The following RANBP17 variants were observed in gnomAD, a reference collection of about 807,000 sequenced individuals.
RANBP17 encodes RAN binding protein 17.
Under a neutral mutation model 141.2 loss-of-function variants are expected in RANBP17, and 158 were observed. The observed-to-expected ratio is 1.12, with a 90% CI of 0.98 to 1.28. The LOEUF is 1.28. RANBP17 is among the 50% of genes most tolerant of loss of function. The probability of loss-of-function intolerance (pLI) is 0.00; values close to 1 mark genes in which losing one functional copy is unlikely to be tolerated. For synonymous variants in RANBP17, 430 were observed against 450.0 expected, an observed-to-expected ratio of 0.96 and a Z score of 0.56; for missense variants, 1,438 against 1,290.7, an observed-to-expected ratio of 1.11 and a Z score of -1.75.
intron 1 of RANBP17, among the ~76,000 whole-genome samples, chr5:170,870,830 C>T (rs1767662051): frequency 6.6e-6 from 1 of 152,142 alleles, no homozygotes; most frequent in Non-Finnish European, 1.5e-5. Flanking sequence ...AATTTACATT[C>T]CCACCAACAG....
intron 12 of RANBP17, among the ~76,000 whole-genome samples, chr5:170,944,816 T>G (rs1311871539): frequency 6.6e-6 from 1 of 152,198 alleles, no homozygotes; most frequent in Non-Finnish European, 1.5e-5. Flanking sequence ...ACAGCATTCT[T>G]TGATCTAATA....
intron 14 of RANBP17, among the ~76,000 whole-genome samples, chr5:170,985,639 G>A (rs994091487): frequency 2.0e-5 from 3 of 152,150 alleles, no homozygotes; most frequent in Non-Finnish European, 2.9e-5. Context: ...ACACACGTGT[G>A]TGCACTTGTG....
intron 16 of RANBP17, among the ~76,000 whole-genome samples, chr5:171,182,184 A>G (rs1434355140): frequency 1.3e-5 from 2 of 152,222 alleles, no homozygotes; most frequent in Non-Finnish European, 2.9e-5. Flanking sequence ...ATGGAGCCAT[A>G]TAAGATTATT....
At chr5:170,976,127 G>A (rs1777362088) in intron 14 of RANBP17, among the ~76,000 whole-genome samples, 1 of 152,004 alleles carries the variant, frequency 6.6e-6, no homozygotes, top group Non-Finnish European at 1.5e-5. Flanking sequence ...AAAACTGTTA[G>A]AACTAATAAC....
intron 27 of RANBP17, among the ~76,000 whole-genome samples, chr5:171,296,586 C>T (rs905084642): frequency 6.6e-6 from 1 of 152,126 alleles, no homozygotes; most frequent in Non-Finnish European, 1.5e-5. Flanking sequence ...TTGCATGTAC[C>T]CCATAATGAT....
intron 14 of RANBP17, among the ~76,000 whole-genome samples, chr5:171,075,907 CAT>C (rs1784889716): frequency 6.6e-6 from 1 of 152,004 alleles, no homozygotes; most frequent in African/African-American, 2.4e-5. Context: ...GAGCCGAGAT[CAT>C]GCCACTGCAC....
chr5:171,238,280 C>A (rs995480918), intron 22 of RANBP17, among the ~76,000 whole-genome samples: 2 of 152,248 alleles, frequency 1.3e-5, no homozygotes, highest in East Asian at 3.9e-4. Flanking sequence ...AAATTTGCAA[C>A]CTTCGGCATA....
At chr5:171,056,457 T>G (rs1783381002) in intron 14 of RANBP17, among the ~76,000 whole-genome samples, 1 of 152,198 alleles carries the variant, frequency 6.6e-6, no homozygotes, top group Non-Finnish European at 1.5e-5. Context: ...AATGATTTTA[T>G]GTAACAATTA....
At chr5:171,213,558 T>C in intron 20 of RANBP17, 73 bp from the exon 21 acceptor site, 1 of 972,214 alleles carries the variant, frequency 1.0e-6, no homozygotes. Flanking sequence ...TGTGTGTGTG[T>C]ATGTGTGTGG....
intron 1 of RANBP17, chr5:170,863,487 T>A (rs902153551): frequency 6.6e-6 from 1 of 152,188 alleles, no homozygotes; most frequent in African/African-American, 2.4e-5. Flanking sequence ...TAGAATGTTA[T>A]GTAGTAAGCC....
At position 171,206,679 on chromosome 5, in the gene RANBP17, G is replaced by A. The variant is rs187502414; in HGVS notation, c.2231+1067G>A. ...CTTAAAGGTAACTGTCAACTACTAT[G>A]CCACAGTTATGGCCAAAAATATAAC... On this transcript the variant is annotated intron_variant, in intron 20 of 27. Transcript: ENST00000523189. The A allele has an allele frequency of 1.8e-4, 32 of 179,648 alleles. 1 individual carries two copies. The highest frequency in any genetic ancestry group is 3.6e-4 in the Non-Finnish European group (30 of 83,902). The allele number at this position is 179,648 out of a possible 1,614,324, so 11.1% of individuals were successfully genotyped here.
chr5:171,064,906 CTA>C (rs1270959514), intron 14 of RANBP17, among the ~76,000 whole-genome samples: 1 of 152,060 alleles, frequency 6.6e-6, no homozygotes, highest in African/African-American at 2.4e-5. Flanking sequence ...AAGAATGTAA[CTA>C]TTTATCTGCG....
In RANBP17 at chr5:171,265,736, C is replaced by G. The variant is rs1262683123; in HGVS notation, c.2832C>G (p.Leu944=). ...GTTTAGACTACATCGTCACCTACCT[C>G]TTCAAGCACATAGCAAAAGAGGGCA... ...CTSLDYIVTY[L]FKHIAKEGKK... Residue 944 remains leucine, a synonymous_variant, in exon 25 of 28, where the codon CTC becomes CTG. Coordinates refer to ENST00000523189, the MANE Select transcript of RANBP17 (RefSeq NM_022897.5). 6.2e-7 allele frequency: 1 copy of G among 1,614,174 alleles called. No individual in the cohort carries two copies. The highest frequency in any genetic ancestry group is 8.5e-7 in the Non-Finnish European group (1 of 1,179,998).
chr5:171,092,030 A>G (rs1404098230), intron 14 of RANBP17, among the ~76,000 whole-genome samples: 1 of 152,214 alleles, frequency 6.6e-6, no homozygotes, highest in Non-Finnish European at 1.5e-5. Context: ...CCCAGAATAC[A>G]CTGAGGGACA....
At chr5:171,052,548 C>T (rs1367198385) in intron 14 of RANBP17, among the ~76,000 whole-genome samples, 1 of 152,138 alleles carries the variant, frequency 6.6e-6, no homozygotes, top group Non-Finnish European at 1.5e-5. Context: ...ATAGGGTTTA[C>T]TTCTGGATTC....
chr5:171,263,986 CAGG>C (rs1766507044), intron 24 of RANBP17, among the ~76,000 whole-genome samples: 2 of 152,104 alleles, frequency 1.3e-5, no homozygotes, highest in South Asian at 4.1e-4. Flanking sequence ...CACTTGAGCT[CAGG>C]AGGTCAAGGC....
intron 14 of RANBP17, among the ~76,000 whole-genome samples, chr5:171,027,050 T>C (rs1321885877): frequency 6.6e-6 from 1 of 152,064 alleles, no homozygotes; most frequent in Non-Finnish European, 1.5e-5. Flanking sequence ...ATGCCTATGA[T>C]CTGAGGTGGG....
chr5:170,876,443 A>G (rs1469526440), intron 1 of RANBP17, among the ~76,000 whole-genome samples: 2 of 152,118 alleles, frequency 1.3e-5, no homozygotes, highest in Non-Finnish European at 2.9e-5. Flanking sequence ...CATGAACTAT[A>G]AAGATTGTAT....
intron 14 of RANBP17, among the ~76,000 whole-genome samples, chr5:171,069,763 A>G (rs1336778530): frequency 6.6e-6 from 1 of 152,154 alleles, no homozygotes; most frequent in African/African-American, 2.4e-5. Flanking sequence ...GATATTTTCA[A>G]CTCATGATGG....
Sources: allele counts gnomAD v4.1 joint callset (sites outside exome capture counted in the v4.1 genomes callset), GRCh38; gene constraint gnomAD v4.1.1; transcripts MANE v1.5; gene names NCBI Gene and HGNC (gene_info 2026-07-23, HGNC 2026-07-21).